Variants in MPRIP observed in about 807,000 individuals in gnomAD.
MPRIP encodes the protein myosin phosphatase Rho-interacting protein.
Under a neutral mutation model 234.9 loss-of-function variants are expected in MPRIP, and 59 were observed. The observed-to-expected ratio is 0.25, with a 90% CI of 0.20 to 0.31. The LOEUF (loss-of-function observed/expected upper bound fraction) is 0.31. Ranked by LOEUF, MPRIP falls within the 10% of genes least tolerant of loss-of-function variation. The pLI is 1.00. For missense variants in MPRIP, 2,436 were observed against 3,071.0 expected, an observed-to-expected ratio of 0.79 and a Z score of 4.89; for synonymous variants, 1,144 against 1,263.9, an observed-to-expected ratio of 0.91 and a Z score of 2.01.
intron 13 of MPRIP, among the ~76,000 whole-genome samples, chr17:17,157,065 G>T (rs1385117607): frequency 1.3e-5 from 2 of 152,220 alleles, no homozygotes; most frequent in Non-Finnish European, 2.9e-5. Flanking sequence ...GCCTGGGTGA[G>T]ATTAGGGGCC....
At position 17,175,365 on chromosome 17, in the gene MPRIP, G is replaced by T. The variant is rs1351642648; in HGVS notation, c.6823G>T (p.Ala2275Ser). 6 of 1,613,160 alleles carry T rather than the reference G, an allele frequency of 3.7e-6. No individual in the cohort carries two copies. The East Asian group carries it at 1.3e-4, about 36-fold the overall frequency. Reference sequence around the variant, plus strand: ...GCTGACTGGGGACGGCGGTGGGGAGGCCACTGGGTCACCCCTTGCACAGGG... The same window carrying T: ...GCTGACTGGGGACGGCGGTGGGGAGTCCACTGGGTCACCCCTTGCACAGGG... ...TLLTGDGGGE[A>S]TGSPLAQGKD... is the part of the protein sequence containing the mutation. Residue 2275 changes from alanine (A) to serine (S), a missense_variant, in exon 20 of 24, where the codon GCC becomes TCC. Transcript: ENST00000651222.
chr17:17,145,925 G>A (rs1227132041), intron 9 of MPRIP, 111 bp from the exon 10 acceptor site: 1 of 1,059,464 alleles, frequency 9.4e-7, no homozygotes, highest in East Asian at 2.6e-5. Flanking sequence ...GGCAGGTGGA[G>A]AAACCCCTTT....
At chr17:17,169,734 T>C (rs2046088276) in intron 16 of MPRIP, among the ~76,000 whole-genome samples, 1 of 152,238 alleles carries the variant, frequency 6.6e-6, no homozygotes, top group African/African-American at 2.4e-5. Context: ...ATTTCATCAC[T>C]TTATGCAGAT....
chr17:17,175,500 G>A, intron 20 of MPRIP, 88 bp downstream of exon 20: 11 of 1,430,436 alleles, frequency 7.7e-6, no homozygotes, highest in Non-Finnish European at 1.0e-5. Flanking sequence ...TTACAGGGTT[G>A]TGGGAGGAAC....
At chr17:17,094,963 T>TA (rs2089806753) in intron 3 of MPRIP, among the ~76,000 whole-genome samples, 1 of 152,106 alleles carries the variant, frequency 6.6e-6, no homozygotes, top group Admixed American at 6.6e-5. Context: ...AAACTCCTGT[T>TA]ATTTGGCTAT....
At chr17:17,127,142 C>T (rs556271809) in intron 4 of MPRIP, among the ~76,000 whole-genome samples, 30 of 152,348 alleles carry the variant, frequency 2.0e-4, no homozygotes, top group Non-Finnish European at 3.2e-4. Context: ...TGCCCCTCCA[C>T]CTGGAAGGGG....
rs1368717003 is a variant in MPRIP at position 17,136,253 on chromosome 17, G to T, written c.539G>T (p.Ser180Ile). ...CCTGCCAAGGTGGCTGTTACCAGCA[G>T]CAGCAGCAGCAGCAGCAGCAGCAGC... is the stretch of plus-strand genomic sequence containing the variant. ...PGPAKVAVTS[S>I]SSSSSSSSSI... The change falls in exon 6 of 24, where the codon AGC (serine) becomes ATC (isoleucine). Residue 180 changes from serine to isoleucine, a missense_variant. Coordinates refer to ENST00000651222, the MANE Select transcript of MPRIP (RefSeq NM_001364716.4). 3.4e-6 allele frequency: 2 copies of T among 580,740 alleles called. No homozygotes were observed. The highest frequency in any genetic ancestry group is 4.0e-5 in the African/African-American group (2 of 49,722). 36.0% of individuals were successfully genotyped at this position (580,740 alleles called of 1,614,324 possible).
intron 3 of MPRIP, among the ~76,000 whole-genome samples, chr17:17,092,498 G>A (rs1015700888): frequency 1.3e-5 from 2 of 152,188 alleles, no homozygotes; most frequent in African/African-American, 4.8e-5. Context: ...TAGAGTGGGA[G>A]TGGGGGACGG....
At chr17:17,091,759 A>G (rs1159797877) in intron 3 of MPRIP, among the ~76,000 whole-genome samples, 5 of 152,308 alleles carry the variant, frequency 3.3e-5, no homozygotes, top group Admixed American at 6.5e-5. Context: ...GATGAGAGAC[A>G]TGGACTTGCA....
chr17:17,128,661 G>A (rs916485886), intron 4 of MPRIP, among the ~76,000 whole-genome samples: 3 of 152,140 alleles, frequency 2.0e-5, no homozygotes, highest in African/African-American at 4.8e-5. Flanking sequence ...CCTCGCCCTG[G>A]TTGTGGGCCA....
intron 3 of MPRIP, among the ~76,000 whole-genome samples, chr17:17,089,147 G>A (rs1032865313): frequency 6.6e-6 from 1 of 152,214 alleles, no homozygotes; most frequent in African/African-American, 2.4e-5. Context: ...TTTGTTTCCT[G>A]TGGCCACTGT....
At chr17:17,112,049 G>A (rs2090183038) in intron 3 of MPRIP, among the ~76,000 whole-genome samples, 1 of 152,206 alleles carries the variant, frequency 6.6e-6, no homozygotes, top group African/African-American at 2.4e-5. Context: ...TATTTACGAG[G>A]TGTGCGGGTG....
intron 3 of MPRIP, among the ~76,000 whole-genome samples, chr17:17,080,940 C>T (rs1333786591): frequency 1.3e-5 from 2 of 150,884 alleles, no homozygotes; most frequent in Non-Finnish European, 2.9e-5. Context: ...ACCACAGGGC[C>T]TGCAGAACTG....
At chr17:17,117,100 A>G (rs1352974492) in intron 3 of MPRIP, among the ~76,000 whole-genome samples, 1 of 152,160 alleles carries the variant, frequency 6.6e-6, no homozygotes, top group African/African-American at 2.4e-5. Context: ...GCCACAGGGT[A>G]GAAGACGGAA....
rs1306036037 is a variant in MPRIP at position 17,125,734 on chromosome 17, G to T, written c.268-968G>T. Among the ~76,000 whole-genome samples the T allele has an allele frequency of 3.3e-5, 5 of 152,222 alleles. No individual in the cohort carries two copies. The East Asian group carries it at 9.6e-4, about 29-fold the overall frequency. On this transcript the variant is annotated intron_variant, in intron 3 of 23. Transcript: ENST00000651222. The stretch of plus-strand genomic sequence containing the variant: ...GCTTGAGGCTGGATGGCCTCTGGGT[G>T]GAAGGCAGCCCAACTGCAGGCCACC...
chr17:17,166,315 T>C lies in MPRIP; in HGVS notation c.4724T>C (p.Leu1575Pro). 7.7e-7 allele frequency: 1 copy of C among 1,304,496 alleles called. No homozygotes were observed. Among genetic ancestry groups the C allele is most frequent in the Non-Finnish European group, 1.0e-6 (1 of 989,010 alleles). The allele number at this position is 1,304,496 out of a possible 1,614,324, so 80.8% of individuals were successfully genotyped here. The change falls in exon 16 of 24, where the codon CTG becomes CCG. Residue 1575 changes from leucine (L) to proline (P), a missense_variant. This residue lies in a region of MPRIP where 1,998 missense variants were observed against 2,520.3 expected (regional missense o/e 0.79). Coordinates refer to ENST00000651222, the MANE Select transcript of MPRIP (RefSeq NM_001364716.4). The surrounding 1 kb of genome is among the most constrained non-coding windows in gnomAD (Gnocchi z 4.4). ...LSDQIALEASLISQIADSLKN... is the reference protein window; with the variant it reads ...LSDQIALEASPISQIADSLKN... ...GACCAGATTGCTCTGGAGGCCTCGCTGATCAGCCAGATAGCAGATTCCCTG... is the reference window on the plus strand; with the variant it reads ...GACCAGATTGCTCTGGAGGCCTCGCCGATCAGCCAGATAGCAGATTCCCTG...
At chr17:17,055,325 A>G (rs2088660120) in intron 1 of MPRIP, among the ~76,000 whole-genome samples, 1 of 152,176 alleles carries the variant, frequency 6.6e-6, no homozygotes, top group Non-Finnish European at 1.5e-5. Context: ...CTGGGAAGGA[A>G]AATCCTTGTG....
At chr17:17,179,857 C>T in intron 22 of MPRIP, 146 bp from the exon 23 acceptor site, 1 of 651,480 alleles carries the variant, frequency 1.5e-6, no homozygotes, top group Non-Finnish European at 2.7e-6. Flanking sequence ...TGGTTATTGG[C>T]TTTGAATTCC....
rs779523314 is a variant in MPRIP, at chr17:17,165,522, G to A, written c.3931G>A (p.Asp1311Asn). The A allele has an allele frequency of 1.1e-4, 147 of 1,304,310 alleles. 1 individual carries two copies. Among genetic ancestry groups the A allele is most frequent in the Middle Eastern group, 8.5e-4 (4 of 4,722 alleles). 80.8% of individuals were successfully genotyped at this position (1,304,310 alleles called of 1,614,324 possible). ...CCATCAGCAGGGCACAGCCAAACTC[G>A]ACCAAGGGGCACCTGGTGTTAAAAG... ...EGHQQGTAKL[D>N]QGAPGVKRQR... Residue 1311 changes from aspartate to asparagine, a missense_variant, in exon 16 of 24, where the codon GAC (aspartate) becomes AAC (asparagine). Coordinates refer to ENST00000651222, the MANE Select transcript of MPRIP (RefSeq NM_001364716.4).
Sources: gnomAD v4.1 joint callset for allele counts (sites outside exome capture counted in the v4.1 genomes callset) on GRCh38, gnomAD v4.1.1 for gene constraint, gnomAD v4.1.1 regional missense constraint, Gnocchi (gnomAD v3.1) non-coding constraint, MANE v1.5 for transcripts, NCBI Gene and HGNC (gene_info 2026-07-23, HGNC 2026-07-21) for gene names.